PCDHA3: variants seen among roughly 807,000 people sequenced by gnomAD.
PCDHA3 encodes protocadherin alpha-3.
Under a neutral mutation model 62.2 loss-of-function variants are expected in PCDHA3, and 41 were observed. The observed-to-expected ratio is 0.66, with a 90% CI of 0.51 to 0.86. The LOEUF (loss-of-function observed/expected upper bound fraction) is 0.86, where lower values mean the gene tolerates loss of function less well. Ranked by LOEUF, PCDHA3 falls within the 40% of genes least tolerant of loss-of-function variation. The pLI, the probability that PCDHA3 is intolerant of heterozygous loss-of-function variation, is 0.00. For missense variants in PCDHA3, 1,304 were observed against 1,241.2 expected, an observed-to-expected ratio of 1.05 and a Z score of -0.76; for synonymous variants, 640 against 555.4, an observed-to-expected ratio of 1.15 and a Z score of -2.14.
chr5:140,967,566 G>A, intron 1 of PCDHA3: 2 of 1,614,060 alleles, frequency 1.2e-6, no homozygotes, highest in South Asian at 2.2e-5. Context: ...GTCCAGCTAC[G>A]GGAGGACTCA....
At chr5:140,811,800 T>C (rs1266055715) in intron 1 of PCDHA3, 5 of 152,238 alleles carry the variant, frequency 3.3e-5, no homozygotes, top group African/African-American at 9.6e-5. Flanking sequence ...AATGTCTTCT[T>C]TTGAGAAGTG....
chr5:140,999,040 G>A (rs1450256691), intron 3 of PCDHA3, among the ~76,000 whole-genome samples: 2 of 152,218 alleles, frequency 1.3e-5, no homozygotes, highest in African/African-American at 2.4e-5. Context: ...TTCGTCCAGT[G>A]TGCTTTCCAC....
intron 1 of PCDHA3, among the ~76,000 whole-genome samples, chr5:140,952,641 G>T (rs1033672347): frequency 1.3e-5 from 2 of 152,102 alleles, no homozygotes; most frequent in Non-Finnish European, 2.9e-5. Flanking sequence ...TCCAACCTGT[G>T]CCTGGTTACC....
chr5:140,807,211 C>T, intron 1 of PCDHA3: 1 of 1,613,892 alleles, frequency 6.2e-7, no homozygotes, highest in Non-Finnish European at 8.5e-7. Context: ...GGGGAAGCGG[C>T]CAGGAATCCC....
intron 3 of PCDHA3, among the ~76,000 whole-genome samples, chr5:140,997,576 G>A (rs528258685): frequency 5.9e-5 from 9 of 152,166 alleles, no homozygotes; most frequent in African/African-American, 2.4e-5. Flanking sequence ...TGTGTGGTCC[G>A]TTGTTGACTG....
At chr5:140,974,240 A>G (rs1554235899) in intron 1 of PCDHA3, among the ~76,000 whole-genome samples, 1 of 152,188 alleles carries the variant, frequency 6.6e-6, no homozygotes, top group African/African-American at 2.4e-5. Context: ...CTTGGCATAT[A>G]AGCACCATCA....
chr5:141,002,049 A>G (rs1288460436), intron 3 of PCDHA3, among the ~76,000 whole-genome samples: 1 of 152,228 alleles, frequency 6.6e-6, no homozygotes, highest in Non-Finnish European at 1.5e-5. Flanking sequence ...CTGGGCATCC[A>G]GAGGCAGCAG....
chr5:140,905,048 C>A (rs2153487978), intron 1 of PCDHA3, among the ~76,000 whole-genome samples: 1 of 152,186 alleles, frequency 6.6e-6, no homozygotes, highest in African/African-American at 2.4e-5. Flanking sequence ...TAATTAGGTC[C>A]CATTTATTTA....
At chr5:140,924,894 CAAAAAA>C (rs782133089) in intron 1 of PCDHA3, among the ~76,000 whole-genome samples, 79 of 71,496 alleles carry the variant, frequency 1.1e-3, no homozygotes, top group African/African-American at 2.7e-3. Flanking sequence ...GAACCTGTCT[CAAAAAA>C]AAAAATAAAA....
Position 141,000,369 on chromosome 5 carries a change from C to CTG in PCDHA3, c.2543-9257_2543-9256insGT, listed in dbSNP as rs1469177188. On this transcript the variant is annotated intron_variant, in intron 3 of 3. Coordinates refer to ENST00000522353, the MANE Select transcript of PCDHA3 (RefSeq NM_018906.3). ...TCTCTCTGTCTCTCTCTGTCTCTCT[C>CTG]TCTCTCTCTCTCTCTCTCTCTCTCT... Among the ~76,000 whole-genome samples, 12 of 35,276 alleles carry CTG rather than the reference C, an allele frequency of 3.4e-4. No individual in the cohort carries two copies. In the East Asian group the frequency reaches 5.7e-3, roughly 17 times the overall value. The allele number at this position is 35,276 out of a possible 152,430, so 23.1% of individuals were successfully genotyped here.
chr5:140,841,155 C>T (rs1777049079), intron 1 of PCDHA3: 1 of 842,000 alleles, frequency 1.2e-6, no homozygotes, highest in South Asian at 1.9e-5. Context: ...TCGCTGTCTA[C>T]CAAGAAGTTC....
chr5:140,829,943 G>C (rs2150178279), intron 1 of PCDHA3: 2 of 1,613,990 alleles, frequency 1.2e-6, no homozygotes, highest in East Asian at 2.2e-5. Flanking sequence ...GGCAAGCAGC[G>C]CTCGCTTCCC....
At chr5:140,872,054 C>T (rs970445290) in intron 1 of PCDHA3, among the ~76,000 whole-genome samples, 2 of 152,238 alleles carry the variant, frequency 1.3e-5, no homozygotes, top group East Asian at 3.8e-4. Flanking sequence ...CCCACTTCAG[C>T]CTCCAGAGTA....
intron 2 of PCDHA3, among the ~76,000 whole-genome samples, chr5:140,979,453 A>G (rs2096852067): frequency 6.6e-6 from 1 of 151,906 alleles, no homozygotes; most frequent in Admixed American, 6.6e-5. Flanking sequence ...TATTACCCTC[A>G]ATAATTGATT....
intron 3 of PCDHA3, among the ~76,000 whole-genome samples, chr5:140,991,989 G>A (rs782528431): frequency 1.3e-5 from 2 of 151,180 alleles, no homozygotes; most frequent in African/African-American, 4.9e-5. Flanking sequence ...CCTACCACCC[G>A]GTCTTTCATG....
chr5:140,937,151 C>T (rs1170352289), intron 1 of PCDHA3, among the ~76,000 whole-genome samples: 1 of 151,572 alleles, frequency 6.6e-6, no homozygotes, highest in African/African-American at 2.4e-5. Context: ...CATTCTCCTG[C>T]CTCAGCCTCC....
chr5:140,981,948 G>T (rs544785800), intron 2 of PCDHA3, among the ~76,000 whole-genome samples: 26 of 152,230 alleles, frequency 1.7e-4, no homozygotes, highest in African/African-American at 6.0e-4. Context: ...TATAGGGTGG[G>T]TCATCTATGC....
At chr5:140,899,974 C>A (rs2067653485) in intron 1 of PCDHA3, among the ~76,000 whole-genome samples, 1 of 151,766 alleles carries the variant, frequency 6.6e-6, no homozygotes, top group Non-Finnish European at 1.5e-5. Context: ...TGCCCAGCTA[C>A]TTTTTTGATT....
In PCDHA3 at chr5:140,857,092, G is replaced by A; in HGVS notation, c.2394+53501G>A. On this transcript the variant is annotated intron_variant, in intron 1 of 3. Coordinates refer to ENST00000522353, the MANE Select transcript of PCDHA3 (RefSeq NM_018906.3). ...TGGATGAAAATGATAATTCACCTGA[G>A]GTGATTGTCACTTCTCTGTCTCTCC... 5 of 1,597,300 alleles carry A rather than the reference G, an allele frequency of 3.1e-6. 1 individual carries two copies. Among genetic ancestry groups the A allele is most frequent in the Non-Finnish European group, 4.3e-6 (5 of 1,166,936 alleles).
Sources: allele counts gnomAD v4.1 joint callset (sites outside exome capture counted in the v4.1 genomes callset), GRCh38; gene constraint gnomAD v4.1.1; transcripts MANE v1.5; gene names NCBI Gene and HGNC (gene_info 2026-07-23, HGNC 2026-07-21).